The following HLCS variants were observed in gnomAD, a reference collection of about 807,000 sequenced individuals.
HLCS encodes the protein holocarboxylase synthetase.
In HLCS, 53 loss-of-function variants were observed where a neutral mutation model predicts 75.0. That is an observed-to-expected ratio of 0.71 (90% CI 0.57 to 0.89). HLCS has a LOEUF of 0.89. HLCS is among the 40% of genes least tolerant of loss of function. The pLI is 0.00. For missense variants in HLCS, 966 were observed against 1,074.0 expected (o/e 0.90, Z 1.41); for synonymous variants, 431 against 428.6 (o/e 1.01, Z -0.07).
chr21:36,795,241 G>C (rs1176437088), intron 6 of HLCS, among the ~76,000 whole-genome samples: 3 of 152,056 alleles, frequency 2.0e-5, no homozygotes, highest in African/African-American at 7.2e-5. Flanking sequence ...CATCACACTG[G>C]AACCGCAAAA....
chr21:36,857,939 G>A (rs932132175), intron 6 of HLCS, among the ~76,000 whole-genome samples: 1 of 151,872 alleles, frequency 6.6e-6, no homozygotes, highest in Non-Finnish European at 1.5e-5. Flanking sequence ...ACAGACGTGA[G>A]GCACCACACC....
At chr21:36,896,739 G>T in intron 6 of HLCS, 121 bp downstream of exon 6, 1 of 1,076,076 alleles carries the variant, frequency 9.3e-7, no homozygotes, top group Non-Finnish European at 1.4e-6. Context: ...CTTCCACCTT[G>T]CTAATAGGTC....
chr21:36,781,929 T>C (rs1296301171), intron 6 of HLCS, among the ~76,000 whole-genome samples: 1 of 152,206 alleles, frequency 6.6e-6, no homozygotes, highest in Non-Finnish European at 1.5e-5. Flanking sequence ...TCAGTATCTA[T>C]GGAAATAATC....
At chr21:36,971,828 C>T (rs937777210) in intron 1 of HLCS, 1 of 74,096 alleles carries the variant, frequency 1.3e-5, no homozygotes, top group Admixed American at 1.5e-4. Flanking sequence ...GACTCCATCT[C>T]AAAAAAAAAA....
chr21:36,919,947 CATAA>C (rs1324428464), intron 5 of HLCS, among the ~76,000 whole-genome samples: 2 of 152,100 alleles, frequency 1.3e-5, no homozygotes, highest in Non-Finnish European at 2.9e-5. Context: ...CCAAGACCAG[CATAA>C]ATACTGCAGA....
chr21:36,957,859 G>A (rs1345235613), intron 2 of HLCS, among the ~76,000 whole-genome samples: 6 of 151,086 alleles, frequency 4.0e-5, no homozygotes, highest in African/African-American at 1.5e-4. Flanking sequence ...AACCCGGGAG[G>A]CAGAGCTTGC....
intron 6 of HLCS, among the ~76,000 whole-genome samples, chr21:36,836,992 T>C (rs1226450179): frequency 6.6e-6 from 1 of 152,190 alleles, no homozygotes; most frequent in Non-Finnish European, 1.5e-5. Context: ...AAGACCAGCC[T>C]GGCCAACATG....
rs1433893105 is a variant in HLCS, at chr21:36,954,556, C to T, written c.330+7480G>A. Among the ~76,000 whole-genome samples, 3 of 146,148 alleles carry T rather than the reference C, an allele frequency of 2.1e-5. No homozygotes were observed. In the East Asian group the frequency reaches 6.4e-4, roughly 31 times the overall value. The stretch of plus-strand genomic sequence containing the variant: ...GCGTGAACCTGGGAGGTGGAGCTTG[C>T]AGCGAGCCGAGATGCGCCACTGCAC... On this transcript the variant is annotated intron_variant, in intron 2 of 10. Transcript: ENST00000674895.
At chr21:36,767,693 T>C (rs1226292322) in intron 6 of HLCS, among the ~76,000 whole-genome samples, 1 of 152,096 alleles carries the variant, frequency 6.6e-6, no homozygotes, top group Non-Finnish European at 1.5e-5. Context: ...CTACTTAGGG[T>C]GCACTTCTGT....
chr21:36,932,430 C>T (rs1181753425), intron 4 of HLCS, among the ~76,000 whole-genome samples: 2 of 152,152 alleles, frequency 1.3e-5, no homozygotes, highest in East Asian at 3.9e-4. Flanking sequence ...ACCAGAAAGG[C>T]CTTTCCTCCC....
At chr21:36,888,432 T>TAAA (rs1191691491) in intron 6 of HLCS, among the ~76,000 whole-genome samples, 59 of 23,766 alleles carry the variant, frequency 2.5e-3, no homozygotes, top group Admixed American at 3.5e-3. Flanking sequence ...CCTTCCCATT[T>TAAA]AAAAAAAAAA....
At chr21:36,934,767 T>A (rs1465815556) in intron 4 of HLCS, among the ~76,000 whole-genome samples, 1 of 152,146 alleles carries the variant, frequency 6.6e-6, no homozygotes, top group Non-Finnish European at 1.5e-5. Flanking sequence ...GACTATGAAA[T>A]TGAACAGGGA....
At chr21:36,969,445 C>T (rs2068725011), upstream of HLCS, among the ~76,000 whole-genome samples, 1 of 152,094 alleles carries the variant, frequency 6.6e-6, no homozygotes, top group African/African-American at 2.4e-5. Flanking sequence ...TGACAAAATC[C>T]CAGGAGACTC....
intron 2 of HLCS, among the ~76,000 whole-genome samples, chr21:36,940,145 G>C (rs1486187301): frequency 6.6e-6 from 1 of 152,078 alleles, no homozygotes; most frequent in African/African-American, 2.4e-5. Context: ...AGATTGACTG[G>C]AATAAAGTAC....
chr21:36,851,297 A>G (rs1277746188), intron 6 of HLCS, among the ~76,000 whole-genome samples: 2 of 152,230 alleles, frequency 1.3e-5, no homozygotes, highest in Non-Finnish European at 2.9e-5. Flanking sequence ...TCAACAGATG[A>G]CTGGACAAAG....
intron 2 of HLCS, among the ~76,000 whole-genome samples, chr21:36,945,297 T>C (rs1158699112): frequency 6.6e-6 from 1 of 152,026 alleles, no homozygotes; most frequent in Non-Finnish European, 1.5e-5. Context: ...AATACTTTCA[T>C]GGCCATTTTT....
intron 6 of HLCS, among the ~76,000 whole-genome samples, chr21:36,776,014 C>T (rs2060347444): frequency 6.6e-6 from 1 of 152,186 alleles, no homozygotes; most frequent in Non-Finnish European, 1.5e-5. Flanking sequence ...CAAGAGGACA[C>T]AGTCTCAGAA....
chr21:36,755,305 G>A (rs2089521423), intron 10 of HLCS, among the ~76,000 whole-genome samples: 2 of 151,848 alleles, frequency 1.3e-5, no homozygotes, highest in African/African-American at 4.8e-5. Flanking sequence ...GGAGGCTGAG[G>A]CAGGAGGATC....
intron 6 of HLCS, among the ~76,000 whole-genome samples, chr21:36,879,690 G>C (rs374134789): frequency 6.6e-6 from 1 of 152,144 alleles, no homozygotes; most frequent in South Asian, 2.1e-4. Flanking sequence ...CCAGAACTTT[G>C]GGAGGCCAGG....
Sources: gnomAD v4.1 joint callset for allele counts (sites outside exome capture counted in the v4.1 genomes callset) on GRCh38, gnomAD v4.1.1 for gene constraint, MANE v1.5 for transcripts, NCBI Gene and HGNC (gene_info 2026-07-23, HGNC 2026-07-21) for gene names.